The following FHIT variants were observed in gnomAD, a reference collection of about 807,000 sequenced individuals.
FHIT encodes bis(5'-adenosyl)-triphosphatase.
FHIT carries 19 observed loss-of-function variants against 17.9 expected under a neutral mutation model. The observed-to-expected ratio is 1.06, with a 90% CI of 0.74 to 1.56. FHIT has a LOEUF of 1.56. FHIT is among the 40% of genes most tolerant of loss of function. FHIT has a pLI of 0.00. For missense variants in FHIT, 248 were observed against 189.2 expected (o/e 1.31, Z -1.82); for synonymous variants, 81 against 69.7 (o/e 1.16, Z -0.81).
intron 4 of FHIT, among the ~76,000 whole-genome samples, chr3:60,808,616 G>C (rs1160035982): frequency 6.6e-6 from 1 of 152,214 alleles, no homozygotes; most frequent in African/African-American, 2.4e-5. Context: ...CCAATGAGCT[G>C]AGCAGAGGAG....
chr3:60,352,675 A>T (rs1042582538), intron 5 of FHIT, among the ~76,000 whole-genome samples: 11 of 151,990 alleles, frequency 7.2e-5, no homozygotes, highest in South Asian at 4.2e-4. Context: ...GTAATTTTTT[A>T]AAATTTTTAT....
intron 8 of FHIT, among the ~76,000 whole-genome samples, chr3:59,757,647 A>ATT (rs1559577166): frequency 7.9e-5 from 12 of 152,326 alleles, no homozygotes; most frequent in Admixed American, 3.3e-4. Context: ...AAACGGGGGA[A>ATT]AACTACTTTA....
intron 3 of FHIT, among the ~76,000 whole-genome samples, chr3:60,999,806 A>G (rs914333136): frequency 2.0e-5 from 3 of 152,120 alleles, no homozygotes; most frequent in African/African-American, 7.2e-5. Context: ...TGTAAAAAAT[A>G]TCATAAACAA....
intron 5 of FHIT, among the ~76,000 whole-genome samples, chr3:60,528,785 C>T (rs534531536): frequency 8.9e-4 from 136 of 152,262 alleles, no homozygotes; most frequent in Middle Eastern, 3.4e-3. Context: ...ATTACCCTTG[C>T]GTGCTGCTCA....
chr3:60,732,684 C>CTTTTTTTTTTTTTTTT (rs3038041), intron 4 of FHIT: 1 of 166,694 alleles, frequency 6.0e-6, no homozygotes, highest in Non-Finnish European at 1.1e-5. Context: ...GCAAAGACTG[C>CTTTTTTTTTTTTTTTT]TTTTTTTTTT....
Position 61,063,255 on chromosome 3 carries a change from C to CA in FHIT, c.-163-21157dup, listed in dbSNP as rs371077056. 8.1e-4 allele frequency among the ~76,000 whole-genome samples: 78 copies of CA among 95,846 alleles called. 1 individual carries two copies. Among genetic ancestry groups the CA allele is most frequent in the South Asian group, 3.9e-3 (12 of 3,054 alleles). 62.9% of individuals were successfully genotyped at this position (95,846 alleles called of 152,430 possible). ...TGAGCGACAGAGCGAGACTCTGTCT[C>CA]AAAAAAAAAAAAGATTAGTTTTAAG... On this transcript the variant is annotated intron_variant, in intron 2 of 9. Coordinates refer to ENST00000492590, the MANE Select transcript of FHIT (RefSeq NM_002012.4).
intron 5 of FHIT, among the ~76,000 whole-genome samples, chr3:60,162,947 G>C (rs1254694153): frequency 1.3e-5 from 2 of 152,156 alleles, no homozygotes; most frequent in African/African-American, 4.8e-5. Flanking sequence ...AAACTAGCAA[G>C]TTCTTCCAGA....
At chr3:60,634,095 C>T (rs1553683142) in intron 4 of FHIT, among the ~76,000 whole-genome samples, 1 of 152,190 alleles carries the variant, frequency 6.6e-6, no homozygotes, top group Non-Finnish European at 1.5e-5. Context: ...CCAATTGGCA[C>T]AGTGACCTTG....
At chr3:60,534,165 C>CGAG (rs1273102215) in intron 5 of FHIT, among the ~76,000 whole-genome samples, 2 of 150,964 alleles carry the variant, frequency 1.3e-5, no homozygotes, top group African/African-American at 4.9e-5. Context: ...CGGTGGCTCA[C>CGAG]GCCTGTAATC....
At chr3:61,075,736 T>C (rs1029761438) in intron 2 of FHIT, among the ~76,000 whole-genome samples, 5 of 152,146 alleles carry the variant, frequency 3.3e-5, no homozygotes, top group Non-Finnish European at 7.4e-5. Context: ...ATACTTTATA[T>C]TTTTGTTCAT....
intron 3 of FHIT, among the ~76,000 whole-genome samples, chr3:60,861,146 G>T: frequency 4.2e-5 from 1 of 24,044 alleles, no homozygotes; most frequent in African/African-American, 2.4e-4. Flanking sequence ...ATGTATATAT[G>T]ATCTATATAC....
chr3:59,926,338 G>C lies in FHIT; in HGVS notation c.280-3924C>G, dbSNP rs72873001. On this transcript the variant is annotated intron_variant, in intron 7 of 9. Transcript: ENST00000492590. The stretch of plus-strand genomic sequence containing the variant: ...ATTCACTCAAAAATATCTATTTCTA[G>C]GTGCTATTCTAGGAGCCAGGGATAC... 9.1e-3 allele frequency among the ~76,000 whole-genome samples: 1,386 copies of C among 152,212 alleles called. 18 individuals carry two copies. The highest frequency in any genetic ancestry group is 0.031 in the African/African-American group (1,303 of 41,518).
chr3:59,928,029 G>A (rs557313488), intron 7 of FHIT, among the ~76,000 whole-genome samples: 19 of 152,170 alleles, frequency 1.2e-4, no homozygotes, highest in African/African-American at 4.6e-4. Flanking sequence ...TAGAAACATG[G>A]CTCATGGCGG....
chr3:60,873,644 A>C (rs1704516605), intron 3 of FHIT, among the ~76,000 whole-genome samples: 1 of 152,198 alleles, frequency 6.6e-6, no homozygotes, highest in Non-Finnish European at 1.5e-5. Context: ...ACAGGATGGG[A>C]AATTCACACT....
chr3:60,064,162 C>T (rs896385730), intron 5 of FHIT, among the ~76,000 whole-genome samples: 2 of 152,178 alleles, frequency 1.3e-5, no homozygotes, highest in East Asian at 3.9e-4. Context: ...ACCTTTCCTT[C>T]CTGCCTGAAG....
At chr3:60,235,856 C>T (rs1258236154) in intron 5 of FHIT, among the ~76,000 whole-genome samples, 1 of 152,068 alleles carries the variant, frequency 6.6e-6, no homozygotes, top group Non-Finnish European at 1.5e-5. Context: ...GAGATCCTCC[C>T]AGTGTTTGAA....
chr3:59,770,876 C>T (rs1274606816), intron 8 of FHIT, among the ~76,000 whole-genome samples: 1 of 152,214 alleles, frequency 6.6e-6, no homozygotes. Context: ...GCCTGTGCCA[C>T]TCTGCTTCTG....
At chr3:60,287,428 C>T (rs1055922744) in intron 5 of FHIT, among the ~76,000 whole-genome samples, 3 of 152,194 alleles carry the variant, frequency 2.0e-5, no homozygotes, top group African/African-American at 7.2e-5. Flanking sequence ...CTCAGCCTCC[C>T]AAAGTGCTGG....
chr3:60,036,231 T>A (rs1701211043), intron 5 of FHIT, among the ~76,000 whole-genome samples: 1 of 152,204 alleles, frequency 6.6e-6, no homozygotes, highest in African/African-American at 2.4e-5. Flanking sequence ...TCTCCATGTG[T>A]CCCAAATCTG....
Sources: allele counts gnomAD v4.1 joint callset (sites outside exome capture counted in the v4.1 genomes callset), GRCh38; gene constraint gnomAD v4.1.1; transcripts MANE v1.5; gene names NCBI Gene and HGNC (gene_info 2026-07-23, HGNC 2026-07-21).